The following SOX5 variants were observed in gnomAD, a reference collection of about 807,000 sequenced individuals.
The protein encoded by SOX5 is transcription factor SOX-5.
A neutral mutation model predicts 92.0 loss-of-function variants in SOX5; 9 were observed. That is an observed-to-expected ratio of 0.10 (90% confidence interval 0.06 to 0.17). The LOEUF is 0.17. SOX5 is among the 10% of genes least tolerant of loss of function. SOX5 has a pLI of 1.00. For missense variants in SOX5, 642 were observed against 944.5 expected, an observed-to-expected ratio of 0.68 and a Z score of 4.20; for synonymous variants, 344 against 336.3, an observed-to-expected ratio of 1.02 and a Z score of -0.25.
intron 3 of SOX5, among the ~76,000 whole-genome samples, chr12:24,216,249 C>T (rs866151515): frequency 6.6e-6 from 1 of 151,918 alleles, no homozygotes; most frequent in African/African-American, 2.4e-5. Flanking sequence ...TTTGGGAGGC[C>T]GAGGCGGACG....
intron 1 of SOX5, among the ~76,000 whole-genome samples, chr12:24,439,879 AG>A (rs1940182172): frequency 6.6e-6 from 1 of 151,844 alleles, no homozygotes; most frequent in African/African-American, 2.4e-5. Flanking sequence ...TGGGCACCAG[AG>A]CAAGACTCCA....
chr12:23,570,933 ATATAT>A (rs1948215785), intron 10 of SOX5, among the ~76,000 whole-genome samples: 12 of 8,212 alleles, frequency 1.5e-3, no homozygotes, highest in East Asian at 2.2e-3. Flanking sequence ...AAAAAAAAAT[ATATAT>A]ATATATATAT....
intron 4 of SOX5, among the ~76,000 whole-genome samples, chr12:23,960,526 T>TACAC (rs1328807947): frequency 9.5e-5 from 6 of 62,928 alleles, no homozygotes; most frequent in African/African-American, 2.8e-4. Context: ...TATATATATA[T>TACAC]ATACATATAT....
intron 4 of SOX5, among the ~76,000 whole-genome samples, chr12:24,016,139 A>G (rs1254632448): frequency 1.3e-5 from 2 of 152,072 alleles, no homozygotes; most frequent in African/African-American, 4.8e-5. Flanking sequence ...AAGATTTCAC[A>G]TTTTGCTACA....
Position 23,723,700 on chromosome 12 carries a change from GGTAT to G in SOX5, c.810+10980_810+10983del, listed in dbSNP as rs940222937. 1.3e-4 allele frequency among the ~76,000 whole-genome samples: 19 copies of G among 150,438 alleles called. No homozygotes were observed. The South Asian group carries it at 1.5e-3, about 12-fold the overall frequency. ...TCAAAAAAAGATATATAGAAACCTA[GGTAT>G]GTATGTATGAATACACATACAATTC... On this transcript the variant is annotated intron_variant, in intron 6 of 14. Transcript: ENST00000451604.
chr12:23,992,858 A>G (rs1191457711), intron 4 of SOX5, among the ~76,000 whole-genome samples: 1 of 152,220 alleles, frequency 6.6e-6, no homozygotes, highest in Non-Finnish European at 1.5e-5. Flanking sequence ...TCATAGCCAT[A>G]AAGCATGCAT....
At chr12:23,813,759 G>A (rs1457138680) in intron 3 of SOX5, among the ~76,000 whole-genome samples, 1 of 152,124 alleles carries the variant, frequency 6.6e-6, no homozygotes, top group East Asian at 1.9e-4. Flanking sequence ...GTTCTGGGAA[G>A]TGTGTCTGTA....
chr12:24,273,891 T>C (rs1241751530), intron 3 of SOX5, among the ~76,000 whole-genome samples: 2 of 152,212 alleles, frequency 1.3e-5, no homozygotes, highest in Non-Finnish European at 2.9e-5. Flanking sequence ...TATTGTTTAG[T>C]CTAAAAACTT....
chr12:23,683,336 G>A (rs764436868), intron 6 of SOX5, among the ~76,000 whole-genome samples: 1 of 151,766 alleles, frequency 6.6e-6, no homozygotes, highest in African/African-American at 2.4e-5. Context: ...AAAATGAAAT[G>A]GAATGCATCA....
chr12:24,200,000 T>C (rs1957361815), intron 4 of SOX5, among the ~76,000 whole-genome samples: 1 of 152,190 alleles, frequency 6.6e-6, no homozygotes, highest in Non-Finnish European at 1.5e-5. Flanking sequence ...TATTCATTTA[T>C]TAGTTTTAAA....
chr12:24,425,205 CTA>C (rs1308519812), intron 1 of SOX5, among the ~76,000 whole-genome samples: 2 of 152,176 alleles, frequency 1.3e-5, no homozygotes, highest in African/African-American at 4.8e-5. Flanking sequence ...GCCCTAGGGA[CTA>C]TGTCTTCTTC....
intron 2 of SOX5, among the ~76,000 whole-genome samples, chr12:24,344,176 G>A (rs1595776686): frequency 1.3e-5 from 2 of 150,964 alleles, no homozygotes; most frequent in East Asian, 3.9e-4. Context: ...CCAGCTACTG[G>A]AGGAGCTGAG....
chr12:23,970,513 T>TATACAATATATATACATTTGCCTA (rs1406597439), intron 4 of SOX5, among the ~76,000 whole-genome samples: 1 of 152,054 alleles, frequency 6.6e-6, no homozygotes, highest in African/African-American at 2.4e-5. Context: ...ATTTGCCTAT[T>TATACAATATATATACATTTGCCTA]ATATATACAT....
chr12:24,330,094 A>G (rs961114665), intron 2 of SOX5, among the ~76,000 whole-genome samples: 2 of 152,222 alleles, frequency 1.3e-5, no homozygotes, highest in Non-Finnish European at 2.9e-5. Flanking sequence ...AATAGAATAT[A>G]TAACTCCCAA....
intron 4 of SOX5, among the ~76,000 whole-genome samples, chr12:24,094,172 T>G (rs549849478): frequency 1.3e-5 from 2 of 152,158 alleles, no homozygotes; most frequent in East Asian, 3.9e-4. Flanking sequence ...GTCTTGAACT[T>G]CTGACCTCAG....
chr12:24,515,503 C>T (rs1949701166), intron 1 of SOX5, among the ~76,000 whole-genome samples: 1 of 152,110 alleles, frequency 6.6e-6, no homozygotes, highest in Non-Finnish European at 1.5e-5. Context: ...GCAATTCTAC[C>T]ATAGCGTTTT....
At chr12:23,982,349 C>A (rs943840470) in intron 4 of SOX5, among the ~76,000 whole-genome samples, 1 of 152,226 alleles carries the variant, frequency 6.6e-6, no homozygotes, top group African/African-American at 2.4e-5. Flanking sequence ...AACATTTACA[C>A]TTCCTTCATG....
chr12:24,345,891 C>A (rs1351776619), intron 2 of SOX5, among the ~76,000 whole-genome samples: 1 of 152,174 alleles, frequency 6.6e-6, no homozygotes, highest in Non-Finnish European at 1.5e-5. Flanking sequence ...TTCACAGCAG[C>A]TGCACACTTA....
intron 10 of SOX5, among the ~76,000 whole-genome samples, chr12:23,567,888 G>C (rs576274181): frequency 6.6e-6 from 1 of 152,254 alleles, no homozygotes; most frequent in African/African-American, 2.4e-5. Context: ...GGACAAACTA[G>C]AAAGTCTAAT....
Sources: allele counts gnomAD v4.1 joint callset (sites outside exome capture counted in the v4.1 genomes callset), GRCh38; gene constraint gnomAD v4.1.1; transcripts MANE v1.5; gene names NCBI Gene and HGNC (gene_info 2026-07-23, HGNC 2026-07-21).